Variants in DLG2 observed in about 807,000 individuals in gnomAD.
The protein encoded by DLG2 is discs large MAGUK scaffold protein 2.
A neutral mutation model predicts 132.5 loss-of-function variants in DLG2; 45 were observed. That is an observed-to-expected ratio of 0.34 (90% CI 0.27 to 0.44). The LOEUF (loss-of-function observed/expected upper bound fraction) is 0.44. DLG2 is among the 20% of genes least tolerant of loss of function. DLG2 has a pLI of 1.00. For synonymous variants in DLG2, 424 were observed against 419.6 expected, an observed-to-expected ratio of 1.01 and a Z score of -0.13; for missense variants, 1,045 against 1,196.9, an observed-to-expected ratio of 0.87 and a Z score of 1.87.
chr11:83,631,830 T>A (rs892202833), intron 19 of DLG2: 1 of 152,156 alleles, frequency 6.6e-6, no homozygotes, highest in Non-Finnish European at 1.5e-5. Context: ...TTTTTCCAAT[T>A]TGCTACCAGG....
chr11:84,952,480 G>A (rs1273252642), intron 6 of DLG2, among the ~76,000 whole-genome samples: 1 of 151,794 alleles, frequency 6.6e-6, no homozygotes, highest in Non-Finnish European at 1.5e-5. Context: ...TCGCGCCACA[G>A]CACTCCCGCC....
At chr11:83,712,976 GA>G (rs902168475) in intron 18 of DLG2, among the ~76,000 whole-genome samples, 8 of 144,132 alleles carry the variant, frequency 5.6e-5, no homozygotes, top group East Asian at 4.0e-4. Context: ...AATAAAAGTT[GA>G]AAAAAAAAGA....
chr11:83,588,558 CTG>C (rs2097133074), intron 19 of DLG2, among the ~76,000 whole-genome samples: 1 of 151,946 alleles, frequency 6.6e-6, no homozygotes, highest in African/African-American at 2.4e-5. Flanking sequence ...AACAGAAAAA[CTG>C]GAAACTCTAA....
chr11:85,432,260 C>T (rs530435253), intron 3 of DLG2, among the ~76,000 whole-genome samples: 1 of 152,080 alleles, frequency 6.6e-6, no homozygotes, highest in Non-Finnish European at 1.5e-5. Context: ...GCTCAGAGTG[C>T]CTCTTCTCCT....
At chr11:84,308,203 T>G (rs1201110804) in intron 7 of DLG2, among the ~76,000 whole-genome samples, 14 of 152,072 alleles carry the variant, frequency 9.2e-5, no homozygotes. Context: ...GGGGGCTGAT[T>G]GGTGCGTTTA....
intron 6 of DLG2, chr11:84,720,472 C>T: frequency 1.0e-6 from 1 of 985,242 alleles, no homozygotes; most frequent in Non-Finnish European, 1.2e-6. Context: ...GGAGCGACAG[C>T]CTAGACCGAG....
Position 84,016,811 on chromosome 11 carries a change from G to A in DLG2, c.920-36169C>T, listed in dbSNP as rs2095214569. Among the ~76,000 whole-genome samples, 3 of 151,982 alleles carry A rather than the reference G, an allele frequency of 2.0e-5. No individual in the cohort carries two copies. In the South Asian group the frequency reaches 6.2e-4, roughly 32 times the overall value. ...AGAGATCAAGTAAAACATTCCCAAG[G>A]TCATACAGCAAGAATCTAGTACAAC... On this transcript the variant is annotated intron_variant, in intron 11 of 27. Transcript: ENST00000376104.
In DLG2 at chr11:84,296,222, G is replaced by C. The variant is rs971756125; in HGVS notation, c.520-44931C>G. On this transcript the variant is annotated intron_variant, in intron 7 of 27. Coordinates refer to ENST00000376104, the MANE Select transcript of DLG2 (RefSeq NM_001142699.3). ...GCTTTTTTTTTCAAAATTCCTCTTA[G>C]AATTTAATTAAAATAATCAATATCG... 5.5e-4 allele frequency among the ~76,000 whole-genome samples: 83 copies of C among 151,506 alleles called. 1 individual carries two copies. The highest frequency in any genetic ancestry group is 1.8e-3 in the African/African-American group (75 of 41,248).
At chr11:84,066,138 C>T (rs1373278763) in intron 10 of DLG2, among the ~76,000 whole-genome samples, 1 of 152,056 alleles carries the variant, frequency 6.6e-6, no homozygotes, top group African/African-American at 2.4e-5. Context: ...TACCAGGTTT[C>T]AGAATAAGCT....
intron 18 of DLG2, among the ~76,000 whole-genome samples, chr11:83,672,762 T>C (rs1209755876): frequency 6.6e-6 from 1 of 152,144 alleles, no homozygotes; most frequent in African/African-American, 2.4e-5. Context: ...ATCAAATCCC[T>C]GTCTTCAAGA....
At chr11:84,273,466 C>T (rs955325607) in intron 7 of DLG2, among the ~76,000 whole-genome samples, 1 of 152,102 alleles carries the variant, frequency 6.6e-6, no homozygotes, top group African/African-American at 2.4e-5. Flanking sequence ...CAGATGTTTT[C>T]ATCGGGAAGA....
intron 3 of DLG2, among the ~76,000 whole-genome samples, chr11:85,402,175 T>C (rs1468751115): frequency 1.3e-5 from 2 of 151,532 alleles, no homozygotes; most frequent in African/African-American, 4.8e-5. Context: ...CAGAGACCTC[T>C]GAAATAACAC....
chr11:85,181,742 G>C (rs534378906), intron 4 of DLG2, among the ~76,000 whole-genome samples: 2 of 151,650 alleles, frequency 1.3e-5, no homozygotes, highest in African/African-American at 4.8e-5. Context: ...ATTTTGTTGT[G>C]GTGATGAATA....
intron 3 of DLG2, among the ~76,000 whole-genome samples, chr11:85,593,382 T>C (rs76172574): frequency 0.047 from 7,206 of 152,280 alleles, 554 homozygotes; most frequent in African/African-American, 0.16. Context: ...TACCATTTGC[T>C]GAGCCCTACT....
chr11:84,160,470 G>A (rs1242883321), intron 9 of DLG2, among the ~76,000 whole-genome samples: 2 of 152,098 alleles, frequency 1.3e-5, no homozygotes, highest in African/African-American at 4.8e-5. Context: ...CTATTGTGGG[G>A]ATGAGAACAT....
chr11:84,189,168 C>T (rs757550669), intron 8 of DLG2, among the ~76,000 whole-genome samples: 16 of 151,970 alleles, frequency 1.1e-4, no homozygotes, highest in South Asian at 2.1e-4. Context: ...GGGTAAATAA[C>T]GAAATTAAGT....
intron 14 of DLG2, among the ~76,000 whole-genome samples, chr11:83,931,888 T>C (rs533011187): frequency 6.6e-6 from 1 of 152,364 alleles, no homozygotes; most frequent in Non-Finnish European, 1.5e-5. Flanking sequence ...GCTTAATTCT[T>C]CACCGTTCAA....
chr11:85,462,081 C>A (rs529938013), intron 3 of DLG2, among the ~76,000 whole-genome samples: 1 of 152,182 alleles, frequency 6.6e-6, no homozygotes, highest in South Asian at 2.1e-4. Flanking sequence ...CAGAGAAATG[C>A]AAATCAAAAC....
intron 7 of DLG2, among the ~76,000 whole-genome samples, chr11:84,433,544 T>G (rs534213835): frequency 2.6e-5 from 4 of 152,240 alleles, no homozygotes; most frequent in Admixed American, 1.3e-4. Context: ...GGATTTCACA[T>G]TATCACTTTT....
Sources: gnomAD v4.1 joint callset for allele counts (sites outside exome capture counted in the v4.1 genomes callset) on GRCh38, gnomAD v4.1.1 for gene constraint, MANE v1.5 for transcripts, NCBI Gene and HGNC (gene_info 2026-07-23, HGNC 2026-07-21) for gene names.